The following MUC7 variants were observed in gnomAD, a reference collection of about 807,000 sequenced individuals.
MUC7 encodes mucin-7.
A neutral mutation model predicts 2.5 loss-of-function variants in MUC7; 2 were observed. The ratio of observed to expected loss-of-function variants is 0.81; its 90% confidence interval spans 0.33 to 2.55. The LOEUF (loss-of-function observed/expected upper bound fraction) is 2.55, where lower values mean the gene tolerates loss of function less well. MUC7 is among the 30% of genes most tolerant of loss of function. The pLI is 0.11. For synonymous variants in MUC7, 133 were observed against 173.4 expected (o/e 0.77, Z 1.83); for missense variants, 408 against 455.6 (o/e 0.90, Z 0.95).
intron 1 of MUC7, among the ~76,000 whole-genome samples, chr4:70,458,933 A>C (rs1238701946): frequency 1.3e-5 from 2 of 152,154 alleles, no homozygotes; most frequent in Non-Finnish European, 2.9e-5. Flanking sequence ...ATTTAATAGA[A>C]TAAGCAGGGA....
chr4:70,455,510 T>C (rs2109719824), intron 1 of MUC7, among the ~76,000 whole-genome samples: 1 of 152,318 alleles, frequency 6.6e-6, no homozygotes, highest in South Asian at 2.1e-4. Flanking sequence ...TGCAATTCTT[T>C]CTGGTTTGTG....
chr4:70,462,887 G>C (rs1293016813), intron 1 of MUC7, among the ~76,000 whole-genome samples: 1 of 152,112 alleles, frequency 6.6e-6, no homozygotes, highest in East Asian at 1.9e-4. Context: ...GATGGCTTCA[G>C]ACCAAGAGTT....
chr4:70,441,059 A>G (rs1340735730), intron 1 of MUC7, among the ~76,000 whole-genome samples: 1 of 152,166 alleles, frequency 6.6e-6, no homozygotes, highest in East Asian at 1.9e-4. Context: ...ATTGGAATAA[A>G]CCCAAGTATA....
chr4:70,465,212 A>C (rs1218781057), intron 1 of MUC7, among the ~76,000 whole-genome samples: 1 of 152,188 alleles, frequency 6.6e-6, no homozygotes, highest in African/African-American at 2.4e-5. Flanking sequence ...CAACATCAAC[A>C]AAAAGGACAT....
intron 1 of MUC7, among the ~76,000 whole-genome samples, chr4:70,438,597 C>G (rs534457432): frequency 1.3e-5 from 2 of 152,052 alleles, no homozygotes; most frequent in Admixed American, 1.3e-4. Context: ...CCTGGGACTA[C>G]GGGCATGCAC....
intron 2 of MUC7, among the ~76,000 whole-genome samples, chr4:70,477,878 G>C (rs779489712): frequency 1.3e-5 from 2 of 152,012 alleles, no homozygotes; most frequent in Non-Finnish European, 2.9e-5. Context: ...AGGCAGGCAG[G>C]GTTGCTATCT....
At chr4:70,432,591 G>T (rs758115304) in intron 1 of MUC7, among the ~76,000 whole-genome samples, 5 of 152,182 alleles carry the variant, frequency 3.3e-5, no homozygotes, top group Admixed American at 6.5e-5. Flanking sequence ...TTTTGATGGG[G>T]TTTTTTTCTT....
chr4:70,437,207 G>A (rs115164863), intron 1 of MUC7, among the ~76,000 whole-genome samples: 10,819 of 152,224 alleles, frequency 0.071, 593 homozygotes, highest in East Asian at 0.21. Context: ...CTGGAATGCC[G>A]TGCTGGAAGA....
At chr4:70,474,582 G>A (rs1022150383) in intron 2 of MUC7, among the ~76,000 whole-genome samples, 1 of 152,102 alleles carries the variant, frequency 6.6e-6, no homozygotes, top group Non-Finnish European at 1.5e-5. Flanking sequence ...TAGGTAGGTA[G>A]GTAGGTAGAT....
intron 1 of MUC7, among the ~76,000 whole-genome samples, chr4:70,453,293 G>A (rs1560549415): frequency 1.3e-5 from 2 of 152,230 alleles, no homozygotes; most frequent in African/African-American, 2.4e-5. Flanking sequence ...ATCCTTAGAA[G>A]TCTACCTGCT....
At chr4:70,438,140 C>T (rs968518934) in intron 1 of MUC7, among the ~76,000 whole-genome samples, 4 of 152,160 alleles carry the variant, frequency 2.6e-5, no homozygotes, top group Non-Finnish European at 5.9e-5. Flanking sequence ...AGGCTTACAA[C>T]CTCAAAAGAG....
intron 1 of MUC7, among the ~76,000 whole-genome samples, chr4:70,458,869 C>T (rs1194281795): frequency 6.6e-6 from 1 of 151,748 alleles, no homozygotes; most frequent in African/African-American, 2.4e-5. Flanking sequence ...AGAAAAATAT[C>T]ACATAAAGAA....
At chr4:70,438,247 A>G (rs1055476021) in intron 1 of MUC7, among the ~76,000 whole-genome samples, 6 of 152,204 alleles carry the variant, frequency 3.9e-5, no homozygotes, top group Non-Finnish European at 8.8e-5. Context: ...ATCATCCCCA[A>G]CCAAAAGTCC....
At position 70,437,150 on chromosome 4, in the gene MUC7, C is replaced by G. The variant is rs117792724; in HGVS notation, c.-93+6463C>G. Reference sequence around the variant, plus strand: ...GGAGATGTCTTCCAGTCAGGCTACACAGGGGTCCCGGACCCACTTGAGGAG... The same window carrying G: ...GGAGATGTCTTCCAGTCAGGCTACAGAGGGGTCCCGGACCCACTTGAGGAG... On this transcript the variant is annotated intron_variant, in intron 1 of 3. Transcript: ENST00000413702. Among the ~76,000 whole-genome samples, 10 of 152,336 alleles carry G rather than the reference C, an allele frequency of 6.6e-5. No homozygotes were observed. In the East Asian group the frequency reaches 1.9e-3, roughly 29 times the overall value.
At chr4:70,468,394 G>T (rs143057786), upstream of MUC7, among the ~76,000 whole-genome samples, 2,051 of 152,160 alleles carry the variant, frequency 0.013, 46 homozygotes, top group African/African-American at 0.047. Context: ...AACATAGTAT[G>T]GGAAGTTCTG....
At chr4:70,441,410 G>T (rs1275313027) in intron 1 of MUC7, among the ~76,000 whole-genome samples, 1 of 152,160 alleles carries the variant, frequency 6.6e-6, no homozygotes, top group Non-Finnish European at 1.5e-5. Context: ...TATAACTCAT[G>T]CAGGGAGTTT....
intron 1 of MUC7, among the ~76,000 whole-genome samples, chr4:70,439,270 G>T (rs1301694377): frequency 6.6e-6 from 1 of 152,180 alleles, no homozygotes; most frequent in Non-Finnish European, 1.5e-5. Context: ...AGCTTAGCAG[G>T]TCAGAATCTG....
chr4:70,441,744 G>C (rs1199271301), intron 1 of MUC7, among the ~76,000 whole-genome samples: 1 of 152,180 alleles, frequency 6.6e-6, no homozygotes, highest in Non-Finnish European at 1.5e-5. Context: ...AATCTGGGTT[G>C]ACAAAGTAGA....
intron 1 of MUC7, among the ~76,000 whole-genome samples, chr4:70,437,696 C>T (rs1426271430): frequency 6.6e-6 from 1 of 152,190 alleles, no homozygotes; most frequent in Non-Finnish European, 1.5e-5. Context: ...GGCGACACCC[C>T]ACCTTCTTTC....
Sources: gnomAD v4.1 joint callset for allele counts (sites outside exome capture counted in the v4.1 genomes callset) on GRCh38, gnomAD v4.1.1 for gene constraint, MANE v1.5 for transcripts, NCBI Gene and HGNC (gene_info 2026-07-23, HGNC 2026-07-21) for gene names.